EPG5: variants seen among roughly 807,000 people sequenced by gnomAD.
EPG5 encodes ectopic P granules protein 5 homolog.
Under a neutral mutation model 302.7 loss-of-function variants are expected in EPG5, and 159 were observed. That is an observed-to-expected ratio of 0.53 (90% CI 0.46 to 0.60). EPG5 has a LOEUF of 0.60. Among genes scored for constraint, EPG5 ranks in the 20% least tolerant of loss-of-function variants. The probability of loss-of-function intolerance (pLI) is 0.00; values close to 1 mark genes in which losing one functional copy is unlikely to be tolerated. For synonymous variants in EPG5, 1,158 were observed against 1,136.8 expected (o/e 1.02, Z -0.37); for missense variants, 2,896 against 3,092.4 (o/e 0.94, Z 1.51).
the EPG5 span, among the ~76,000 whole-genome samples, chr18:45,805,170 A>G: frequency 6.2e-4 from 94 of 152,162 alleles, no homozygotes; most frequent in Non-Finnish European, 1.1e-3. Flanking sequence ...ACTAAATGCA[A>G]TATGGTACCC....
intron 29 of EPG5, among the ~76,000 whole-genome samples, chr18:45,886,848 G>C (rs2054429123): frequency 6.6e-6 from 1 of 152,108 alleles, no homozygotes. Context: ...AGTAGAGGCA[G>C]GGTTTCTTCA....
At chr18:45,845,013 G>A (rs200219806), downstream of EPG5, among the ~76,000 whole-genome samples, 12 of 152,156 alleles carry the variant, frequency 7.9e-5, no homozygotes, top group East Asian at 7.7e-4. Context: ...TTTACAGTCC[G>A]TATTCAGATT....
rs1309219334 is a variant in EPG5 at position 45,967,247 on chromosome 18, T to C, written c.-8A>G. ...CTTCACCGCCTCGGCCATAGACCCT[T>C]CCGCGGCGCCGTCACCGTTTGTTTT... On this transcript the variant is annotated 5_prime_UTR_variant, in exon 1 of 44. Coordinates refer to ENST00000282041, the MANE Select transcript of EPG5 (RefSeq NM_020964.3). 6.9e-6 allele frequency: 11 copies of C among 1,589,070 alleles called. No homozygotes were observed. The highest frequency in any genetic ancestry group is 3.3e-4 in the Middle Eastern group (2 of 6,018).
At chr18:45,958,682 G>A (rs569241356) in intron 1 of EPG5, among the ~76,000 whole-genome samples, 1 of 152,174 alleles carries the variant, frequency 6.6e-6, no homozygotes, top group East Asian at 1.9e-4. Flanking sequence ...TACACCTAAT[G>A]TGAGAGCTAA....
chr18:45,933,828 G>C (rs2050454477), intron 11 of EPG5, among the ~76,000 whole-genome samples: 1 of 151,726 alleles, frequency 6.6e-6, no homozygotes, highest in African/African-American at 2.4e-5. Flanking sequence ...TTCCTGCTGT[G>C]AAGGAAAAAA....
chr18:45,900,355 T>C (rs1359885590), intron 26 of EPG5, among the ~76,000 whole-genome samples: 1 of 141,638 alleles, frequency 7.1e-6, no homozygotes, highest in African/African-American at 2.6e-5. Context: ...TGAGCCGAGA[T>C]CATGCCACTG....
chr18:45,801,132 G>T, the EPG5 span, among the ~76,000 whole-genome samples: 9 of 152,144 alleles, frequency 5.9e-5, no homozygotes, highest in Non-Finnish European at 1.2e-4. Context: ...TGCCTCCTGG[G>T]TTCAAGCAGT....
chr18:45,887,163 T>C (rs1599495435), intron 29 of EPG5, among the ~76,000 whole-genome samples: 2 of 152,210 alleles, frequency 1.3e-5, no homozygotes, highest in East Asian at 3.8e-4. Flanking sequence ...TAAATCTGTA[T>C]GATTACCCTT....
At chr18:45,883,783 A>T (rs1292638598) in intron 30 of EPG5, among the ~76,000 whole-genome samples, 1 of 151,000 alleles carries the variant, frequency 6.6e-6, no homozygotes, top group Non-Finnish European at 1.5e-5. Context: ...TTTGATTCAT[A>T]GATGTAACAG....
Position 45,939,582 on chromosome 18 carries a change from A to T in EPG5, c.2099+18T>A, listed in dbSNP as rs752875821. 1 of 1,612,864 alleles carries T rather than the reference A, an allele frequency of 6.2e-7. No individual in the cohort carries two copies. Among genetic ancestry groups the T allele is most frequent in the Non-Finnish European group, 8.5e-7 (1 of 1,179,140 alleles). ...AGGAAGTTACTTCTCACTAAATATC[A>T]TCATATGTCTTACTTACCTTTTGGC... On this transcript the variant is annotated intron_variant, in intron 10 of 43. Transcript: ENST00000282041.
the EPG5 span, chr18:45,837,003 C>T: frequency 8.6e-7 from 1 of 1,161,162 alleles, no homozygotes; most frequent in Admixed American, 1.7e-5. Flanking sequence ...CACGTGTAAC[C>T]CGGGGTTAAC....
chr18:45,870,538 G>C (rs748889721), intron 36 of EPG5, 29 bp downstream of exon 36: 4 of 1,604,554 alleles, frequency 2.5e-6, no homozygotes, highest in African/African-American at 2.7e-5. Context: ...GATCTCTCTA[G>C]GCTGCGATGC....
chr18:45,880,090 G>C lies in EPG5; in HGVS notation c.5652C>G (p.Leu1884=). The part of the protein sequence containing the change: ...GAVLPSSSDA[L]LSDKQVMETI... ...GGCTACACACCTGCTTGTCTGACAA[G>C]AGAGCATCAGAAGAGCTGGGAAGCA... Residue 1884 remains leucine (L), a synonymous_variant, in exon 32 of 44, where the codon CTC becomes CTG. Coordinates refer to ENST00000282041, the MANE Select transcript of EPG5 (RefSeq NM_020964.3). 3 of 1,597,548 alleles carry C rather than the reference G, an allele frequency of 1.9e-6. No individual in the cohort carries two copies. Among genetic ancestry groups the C allele is most frequent in the Non-Finnish European group, 2.6e-6 (3 of 1,170,152 alleles).
rs2050224939 is a variant in EPG5, at chr18:45,924,398, C to A, written c.2719-1011G>T. Among the ~76,000 whole-genome samples, 3 of 152,320 alleles carry A rather than the reference C, an allele frequency of 2.0e-5. No homozygotes were observed. In the South Asian group the frequency reaches 6.2e-4, roughly 32 times the overall value. On this transcript the variant is annotated intron_variant, in intron 14 of 43. Coordinates refer to ENST00000282041, the MANE Select transcript of EPG5 (RefSeq NM_020964.3). ...GAGAGGGCCCAGATGAATCTATGGG[C>A]AGTCCCAAGTGGTCAAGGACACCTC... is the stretch of plus-strand genomic sequence containing the variant.
rs182038137 is a variant in EPG5, at chr18:45,942,019, T to C, written c.1943+1142A>G. On this transcript the variant is annotated intron_variant, in intron 9 of 43. Coordinates refer to ENST00000282041, the MANE Select transcript of EPG5 (RefSeq NM_020964.3). ...CAGGCAGATCACTTGAGGTCAGGAG[T>C]TGGAGACCAGCCTAGCCAACATGGT... Among the ~76,000 whole-genome samples, 530 of 151,816 alleles carry C rather than the reference T, an allele frequency of 3.5e-3. 3 individuals are homozygous for C. Among genetic ancestry groups the C allele is most frequent in the African/African-American group, 0.012 (505 of 41,400 alleles).
Position 45,934,925 on chromosome 18 carries a change from G to T in EPG5, c.2141C>A (p.Thr714Asn). The T allele has an allele frequency of 2.5e-6, 4 of 1,613,804 alleles. No homozygotes were observed. Among genetic ancestry groups the T allele is most frequent in the Non-Finnish European group, 3.4e-6 (4 of 1,179,958 alleles). ...WLFMSEMPFG[T>N]LSVQMLWKLF... ...CTTCCACAGCATTTGCACAGACAGA[G>T]TCCCAAAGGGCATCTCGGACATAAA... The change falls in exon 11 of 44, where the codon ACT (threonine) becomes AAT (asparagine). Residue 714 changes from threonine to asparagine, a missense_variant. Physicochemically the swap from Thr to Asn is moderately conservative, Grantham distance 65. Transcript: ENST00000282041.
In EPG5 at chr18:45,954,467, A is replaced by C; in HGVS notation, c.935T>G (p.Leu312Arg). 1 of 1,614,234 alleles carries C rather than the reference A, an allele frequency of 6.2e-7. No individual in the cohort carries two copies. Among genetic ancestry groups the C allele is most frequent in the South Asian group, 1.1e-5 (1 of 91,086 alleles). ...ATTTTGGCAATCAGATGTCAGAGTA[A>C]GCAGCTCAGCTTCAGCCAGCAGCAG... ...KQLLLAEAEL[L>R]TLTSDCQNAK... is the part of the protein sequence containing the mutation. Residue 312 changes from leucine to arginine, a missense_variant, in exon 2 of 44, where the codon CTT (leucine) becomes CGT (arginine). Transcript: ENST00000282041.
Position 45,916,133 on chromosome 18 carries a change from A to G in EPG5, c.3458T>C (p.Leu1153Pro). 1 of 1,614,176 alleles carries G rather than the reference A, an allele frequency of 6.2e-7. No individual in the cohort carries two copies. Among genetic ancestry groups the G allele is most frequent in the Non-Finnish European group, 8.5e-7 (1 of 1,180,018 alleles). ...VAVLEFWVQA[L>P]ISQHLWYREQ... ...TCGGTACCAGAGATGCTGGCTTATG[A>G]GAGCCTGAACCCAGAACTCCAACAC... Residue 1153 changes from leucine to proline, a missense_variant, in exon 19 of 44, where the codon CTC becomes CCC. This residue lies in a region of EPG5 where 1,390 missense variants were observed against 1,430.0 expected (regional missense o/e 0.97). Transcript: ENST00000282041.
intron 1 of EPG5, among the ~76,000 whole-genome samples, chr18:45,963,679 A>G (rs1449105666): frequency 6.6e-6 from 1 of 152,172 alleles, no homozygotes; most frequent in East Asian, 1.9e-4. Flanking sequence ...GATTGGTGGT[A>G]GAACTGAGGC....
Sources: allele counts gnomAD v4.1 joint callset (sites outside exome capture counted in the v4.1 genomes callset), GRCh38; gene constraint gnomAD v4.1.1; regional missense constraint gnomAD v4.1.1; transcripts MANE v1.5; gene names NCBI Gene and HGNC (gene_info 2026-07-23, HGNC 2026-07-21).